The following AFAP1L2 variants were observed in gnomAD, a reference collection of about 807,000 sequenced individuals.
AFAP1L2 encodes the protein actin filament associated protein 1 like 2, also known as actin filament-associated protein 1-like 2.
Under a neutral mutation model 99.3 loss-of-function variants are expected in AFAP1L2, and 46 were observed. The ratio of observed to expected loss-of-function variants is 0.46; its 90% CI spans 0.37 to 0.59. The LOEUF is 0.59. AFAP1L2 is among the 20% of genes least tolerant of loss of function. The pLI is 0.00. For missense variants in AFAP1L2, 959 were observed against 1,034.9 expected (o/e 0.93, Z 1.01); for synonymous variants, 397 against 419.1 (o/e 0.95, Z 0.64).
At chr10:114,371,507 C>T (rs902570605) in intron 1 of AFAP1L2, among the ~76,000 whole-genome samples, 1 of 152,068 alleles carries the variant, frequency 6.6e-6, no homozygotes, top group Non-Finnish European at 1.5e-5. Context: ...TGGAAAAACT[C>T]CTATGTTTAC....
At chr10:114,316,593 A>C (rs2134827565) in intron 5 of AFAP1L2, among the ~76,000 whole-genome samples, 1 of 152,258 alleles carries the variant, frequency 6.6e-6, no homozygotes, top group East Asian at 1.9e-4. Flanking sequence ...ATCATGCACG[A>C]TTCTACGCAT....
intron 1 of AFAP1L2, among the ~76,000 whole-genome samples, chr10:114,348,074 T>A (rs2049876138): frequency 6.6e-6 from 1 of 152,180 alleles, no homozygotes; most frequent in Non-Finnish European, 1.5e-5. Context: ...CTGGCTTCTT[T>A]CCCTTAGCAT....
At chr10:114,283,208 C>T in the AFAP1L2 span, among the ~76,000 whole-genome samples, 1 of 152,066 alleles carries the variant, frequency 6.6e-6, no homozygotes, top group African/African-American at 2.4e-5. Context: ...TTGTTACTCC[C>T]GATGAGTAGC....
chr10:114,285,650 G>C, the AFAP1L2 span, among the ~76,000 whole-genome samples: 1 of 152,212 alleles, frequency 6.6e-6, no homozygotes, highest in East Asian at 1.9e-4. Flanking sequence ...TCTTGAGGCA[G>C]ACAAAGATTT....
intron 8 of AFAP1L2, 131 bp from the exon 9 acceptor site, chr10:114,308,648 C>T (rs2042774544): frequency 2.7e-6 from 2 of 746,282 alleles, no homozygotes; most frequent in Non-Finnish European, 4.3e-6. Flanking sequence ...CCCTGCCGGC[C>T]ACCTAAACGG....
chr10:114,281,972 A>C, the AFAP1L2 span, among the ~76,000 whole-genome samples: 2 of 150,306 alleles, frequency 1.3e-5, no homozygotes, highest in Non-Finnish European at 2.9e-5. Flanking sequence ...GGGGTTTTGC[A>C]TGTGGATGTC....
chr10:114,336,387 A>T (rs1008691386), intron 2 of AFAP1L2, among the ~76,000 whole-genome samples: 1 of 152,246 alleles, frequency 6.6e-6, no homozygotes, highest in Non-Finnish European at 1.5e-5. Flanking sequence ...CAGCATCAGC[A>T]CTGTGCTAAG....
chr10:114,288,416 A>T, the AFAP1L2 span, among the ~76,000 whole-genome samples: 1 of 152,246 alleles, frequency 6.6e-6, no homozygotes, highest in African/African-American at 2.4e-5. Flanking sequence ...AGTGCCCTGC[A>T]TACTGGGGAT....
chr10:114,383,870 C>G (rs116374063), intron 1 of AFAP1L2, among the ~76,000 whole-genome samples: 11 of 152,172 alleles, frequency 7.2e-5, no homozygotes, highest in African/African-American at 2.7e-4. Context: ...AGCCCGCAGG[C>G]TGACAGAGGC....
chr10:114,330,203 C>T (rs939543621), intron 4 of AFAP1L2, among the ~76,000 whole-genome samples: 21 of 152,174 alleles, frequency 1.4e-4, no homozygotes, highest in Non-Finnish European at 2.6e-4. Context: ...GTGGCCCCTT[C>T]CCCCCAGGAA....
In AFAP1L2 at chr10:114,295,543, T is replaced by C; in HGVS notation, c.*499A>G. 8.1e-6 allele frequency: 8 copies of C among 985,884 alleles called. No individual in the cohort carries two copies. The highest frequency in any genetic ancestry group is 9.6e-6 in the Non-Finnish European group (8 of 830,292). The allele number at this position is 985,884 out of a possible 1,614,324, so 61.1% of individuals were successfully genotyped here. A position where few individuals can be genotyped will look rare whatever the true frequency, so the allele number is the denominator to read the frequency against. On this transcript the variant is annotated 3_prime_UTR_variant, in exon 19 of 19. Transcript: ENST00000304129. ...CTGTTTAAAATCACTGAAGACTGAG[T>C]TGGGCCTGGTAATATTGGAGAGAAC...
At chr10:114,348,720 G>A (rs977377896) in intron 1 of AFAP1L2, among the ~76,000 whole-genome samples, 22 of 152,208 alleles carry the variant, frequency 1.4e-4, no homozygotes, top group Middle Eastern at 3.4e-3. Context: ...TTCTCAGCCC[G>A]GGCTGCACAC....
chr10:114,395,542 CT>C (rs969720042), intron 1 of AFAP1L2, among the ~76,000 whole-genome samples: 2 of 152,030 alleles, frequency 1.3e-5, no homozygotes, highest in African/African-American at 4.8e-5. Flanking sequence ...ATTCAACAAT[CT>C]TTTTTTTCTC....
At chr10:114,322,677 C>T (rs541651073) in intron 5 of AFAP1L2, among the ~76,000 whole-genome samples, 12 of 152,310 alleles carry the variant, frequency 7.9e-5, no homozygotes, top group East Asian at 3.9e-4. Flanking sequence ...TTTTCTCTCA[C>T]GGAATGTCAG....
chr10:114,288,855 A>G, the AFAP1L2 span: 1 of 1,495,376 alleles, frequency 6.7e-7, no homozygotes, highest in East Asian at 2.3e-5. Context: ...CCTTGGTCCT[A>G]CCCAACCTGG....
At chr10:114,300,110 T>C (rs1203693055) in intron 15 of AFAP1L2, 84 bp downstream of exon 15, 15 of 1,573,946 alleles carry the variant, frequency 9.5e-6, no homozygotes, top group African/African-American at 1.4e-5. Context: ...CTTTCATATA[T>C]ACATCTATCC....
Position 114,331,882 on chromosome 10 carries a change from C to A in AFAP1L2, c.236G>T (p.Gly79Val). Reference sequence around the variant, plus strand: ...GCTGGGCTCCCCATTGGGTAGCAGGCCCTGCTCCTCAGGCGCTGCGGGCAG... The same window carrying A: ...GCTGGGCTCCCCATTGGGTAGCAGGACCTGCTCCTCAGGCGCTGCGGGCAG... ...ESQGKAPEEQGLLPNGEPSQH... is the reference protein window; with the variant it reads ...ESQGKAPEEQVLLPNGEPSQH... Residue 79 changes from glycine (G) to valine (V), a missense_variant, in exon 4 of 19, where the codon GGC (glycine) becomes GTC (valine). Around this residue, in one of 2 missense-constraint regions of AFAP1L2, gnomAD observed 383 missense variants for 472.8 expected, o/e 0.81. Transcript: ENST00000304129. The A allele has an allele frequency of 7.5e-7, 1 of 1,330,646 alleles. No individual in the cohort carries two copies. Among genetic ancestry groups the A allele is most frequent in the Non-Finnish European group, 9.7e-7 (1 of 1,031,150 alleles). 82.4% of individuals were successfully genotyped at this position (1,330,646 alleles called of 1,614,324 possible).
the AFAP1L2 span, chr10:114,289,318 C>T: frequency 1.2e-6 from 2 of 1,614,210 alleles, no homozygotes; most frequent in Non-Finnish European, 1.7e-6. Context: ...TGCAGCCGTT[C>T]CTGCCCAGAA....
chr10:114,374,877 G>T (rs906909319), intron 1 of AFAP1L2, among the ~76,000 whole-genome samples: 1 of 151,698 alleles, frequency 6.6e-6, no homozygotes, highest in Non-Finnish European at 1.5e-5. Flanking sequence ...AGGTGGTTTA[G>T]GTCCCTTAGG....
Sources: allele counts gnomAD v4.1 joint callset (sites outside exome capture counted in the v4.1 genomes callset), GRCh38; gene constraint gnomAD v4.1.1; regional missense constraint gnomAD v4.1.1; transcripts MANE v1.5; gene names NCBI Gene and HGNC (gene_info 2026-07-23, HGNC 2026-07-21).